ATF6: variants seen among roughly 807,000 people sequenced by gnomAD.
The protein encoded by ATF6 is cyclic AMP-dependent transcription factor ATF-6 alpha.
In ATF6, 53 loss-of-function variants were observed where a neutral mutation model predicts 83.6. The observed-to-expected ratio is 0.63, with a 90% CI of 0.51 to 0.80. The LOEUF (loss-of-function observed/expected upper bound fraction) is 0.80, where lower values mean the gene tolerates loss of function less well. Among genes scored for constraint, ATF6 ranks in the 30% least tolerant of loss-of-function variants. The pLI, the probability that ATF6 is intolerant of heterozygous loss-of-function variation, is 0.00. For synonymous variants in ATF6, 288 were observed against 285.8 expected (o/e 1.01, Z -0.08); for missense variants, 744 against 797.9 (o/e 0.93, Z 0.81).
intron 6 of ATF6, among the ~76,000 whole-genome samples, chr1:161,792,561 C>A (rs1214150513): frequency 2.0e-5 from 3 of 152,144 alleles, no homozygotes; most frequent in African/African-American, 4.8e-5. Context: ...GGGACACTTT[C>A]TTGGTGCCAT....
chr1:161,860,535 C>T (rs1219842259), intron 13 of ATF6, among the ~76,000 whole-genome samples: 3 of 151,794 alleles, frequency 2.0e-5, no homozygotes, highest in Non-Finnish European at 4.4e-5. Context: ...GCTGTTCCAT[C>T]ATAATTTTGA....
chr1:161,913,446 G>A (rs1208757819), intron 15 of ATF6, among the ~76,000 whole-genome samples: 1 of 152,134 alleles, frequency 6.6e-6, no homozygotes, highest in Non-Finnish European at 1.5e-5. Flanking sequence ...TAAGACCATA[G>A]AGGACCTTAG....
chr1:161,865,818 G>A (rs898765559), intron 14 of ATF6, among the ~76,000 whole-genome samples: 1 of 151,270 alleles, frequency 6.6e-6, no homozygotes, highest in Non-Finnish European at 1.5e-5. Context: ...TATTTTTTTT[G>A]TTTTGTTTCA....
At chr1:161,820,964 A>G (rs1685745343) in intron 8 of ATF6, 106 bp from the exon 9 acceptor site, 1 of 633,380 alleles carries the variant, frequency 1.6e-6, no homozygotes, top group Non-Finnish European at 2.6e-6. Flanking sequence ...TATTTGTAAG[A>G]CAAGAGATTT....
intron 15 of ATF6, among the ~76,000 whole-genome samples, chr1:161,952,449 A>G (rs369162994): frequency 6.6e-6 from 1 of 151,826 alleles, no homozygotes; most frequent in Non-Finnish European, 1.5e-5. Flanking sequence ...ATCAACTTCC[A>G]TGCTTTTTCC....
At chr1:161,955,619 C>T (rs1688952422) in intron 15 of ATF6, among the ~76,000 whole-genome samples, 1 of 152,200 alleles carries the variant, frequency 6.6e-6, no homozygotes, top group Non-Finnish European at 1.5e-5. Context: ...ACTAAGCCAC[C>T]CAAAGAACCT....
Position 161,958,984 on chromosome 1 carries a change from A to G in ATF6, c.*330A>G. ...GTGATGGTTTTGTGTTTAAACAGTC[A>G]TCTTCTTTTAAATAATATCCACCTC... On this transcript the variant is annotated 3_prime_UTR_variant, in exon 16 of 16. Transcript: ENST00000367942. 1 of 195,748 alleles carries G rather than the reference A, an allele frequency of 5.1e-6. No homozygotes were observed. The highest frequency in any genetic ancestry group is 1.0e-5 in the Non-Finnish European group (1 of 96,222). The allele number at this position is 195,748 out of a possible 1,614,324, so 12.1% of individuals were successfully genotyped here.
In ATF6 at chr1:161,820,474, C is replaced by T. The variant is rs185028108; in HGVS notation, c.1096-596C>T. Among the ~76,000 whole-genome samples, 15 of 152,290 alleles carry T rather than the reference C, an allele frequency of 9.8e-5. No homozygotes were observed. The East Asian group carries it at 2.7e-3, about 27-fold the overall frequency. ...AATATAAAAAATGTTGAATTCTGGT[C>T]GGGCGTGGTGGCTCACGCCTGTAAT... On this transcript the variant is annotated intron_variant, in intron 8 of 15. Transcript: ENST00000367942.
At chr1:161,888,115 C>G (rs1687467742) in intron 14 of ATF6, among the ~76,000 whole-genome samples, 1 of 152,100 alleles carries the variant, frequency 6.6e-6, no homozygotes, top group Non-Finnish European at 1.5e-5. Flanking sequence ...TTACATCATA[C>G]CAGAAAAAAG....
intron 10 of ATF6, among the ~76,000 whole-genome samples, chr1:161,848,647 A>T (rs1686538125): frequency 6.6e-6 from 1 of 152,154 alleles, no homozygotes; most frequent in Non-Finnish European, 1.5e-5. Flanking sequence ...GCTGTCTTGG[A>T]TAAATGAGAA....
chr1:161,896,457 TCTTC>T (rs1687678866), intron 14 of ATF6, among the ~76,000 whole-genome samples: 1 of 152,192 alleles, frequency 6.6e-6, no homozygotes, highest in South Asian at 2.1e-4. Flanking sequence ...TTTTGATGAG[TCTTC>T]AAGTCAGTAG....
intron 14 of ATF6, among the ~76,000 whole-genome samples, chr1:161,869,492 C>T (rs1687078154): frequency 6.6e-6 from 1 of 151,806 alleles, no homozygotes; most frequent in Non-Finnish European, 1.5e-5. Flanking sequence ...TTTCTTATCT[C>T]CACTTTCATG....
intron 14 of ATF6, among the ~76,000 whole-genome samples, chr1:161,864,063 GT>G (rs1045028525): frequency 6.6e-6 from 1 of 152,092 alleles, no homozygotes; most frequent in African/African-American, 2.4e-5. Flanking sequence ...ATCCCAAGCT[GT>G]TTTTTCTTTC....
intron 1 of ATF6, among the ~76,000 whole-genome samples, chr1:161,775,400 C>T (rs1329236354): frequency 6.6e-6 from 1 of 152,222 alleles, no homozygotes; most frequent in Non-Finnish European, 1.5e-5. Flanking sequence ...AGTTACCACT[C>T]TAATGGTTGC....
chr1:161,821,256 T>A (rs1685754093), intron 9 of ATF6, 95 bp downstream of exon 9: 1 of 869,296 alleles, frequency 1.2e-6, no homozygotes. Flanking sequence ...AAAAATGATT[T>A]GTTTTTCAAG....
intron 12 of ATF6, among the ~76,000 whole-genome samples, chr1:161,857,858 ATGT>A (rs1686797754): frequency 6.6e-6 from 1 of 152,162 alleles, no homozygotes; most frequent in Admixed American, 6.6e-5. Flanking sequence ...TAAAATTTTT[ATGT>A]TGTTCGAATA....
At chr1:161,889,262 C>A (rs576892023) in intron 14 of ATF6, among the ~76,000 whole-genome samples, 1 of 152,202 alleles carries the variant, frequency 6.6e-6, no homozygotes, top group Non-Finnish European at 1.5e-5. Flanking sequence ...TGCCAGACAG[C>A]CTTCTTCAGG....
intron 14 of ATF6, among the ~76,000 whole-genome samples, chr1:161,908,118 G>A (rs1043078607): frequency 2.0e-5 from 3 of 152,080 alleles, no homozygotes; most frequent in African/African-American, 4.8e-5. Flanking sequence ...TCAACTAGTC[G>A]TGAATGTTCC....
intron 15 of ATF6, among the ~76,000 whole-genome samples, chr1:161,951,364 C>T (rs887964883): frequency 5.3e-5 from 8 of 152,216 alleles, no homozygotes; most frequent in Non-Finnish European, 7.3e-5. Context: ...TGCGATGGCA[C>T]TTTCTCAAGT....
Sources: allele counts gnomAD v4.1 joint callset (sites outside exome capture counted in the v4.1 genomes callset), GRCh38; gene constraint gnomAD v4.1.1; transcripts MANE v1.5; gene names NCBI Gene and HGNC (gene_info 2026-07-23, HGNC 2026-07-21).